Variants in LSAMP observed in about 807,000 individuals in gnomAD.
LSAMP encodes the protein limbic system associated membrane protein.
A neutral mutation model predicts 38.6 loss-of-function variants in LSAMP; 7 were observed. The ratio of observed to expected loss-of-function variants is 0.18; its 90% CI spans 0.10 to 0.34. The LOEUF is 0.34. Ranked by LOEUF, LSAMP falls within the 10% of genes least tolerant of loss-of-function variation. The pLI is 1.00. For missense variants in LSAMP, 313 were observed against 420.0 expected (o/e 0.75, Z 2.23); for synonymous variants, 154 against 166.8 (o/e 0.92, Z 0.59).
intron 1 of LSAMP, among the ~76,000 whole-genome samples, chr3:116,101,370 C>T (rs546622515): frequency 8.5e-5 from 13 of 152,258 alleles, no homozygotes; most frequent in East Asian, 1.9e-4. Context: ...GATACATCTA[C>T]GTTATACTAT....
intron 1 of LSAMP, among the ~76,000 whole-genome samples, chr3:116,153,806 G>A (rs1460828633): frequency 1.3e-5 from 2 of 152,036 alleles, no homozygotes; most frequent in African/African-American, 2.4e-5. Flanking sequence ...CAAATGAGAT[G>A]TAATAGATTT....
At chr3:116,227,678 C>T (rs1273470041) in intron 1 of LSAMP, among the ~76,000 whole-genome samples, 2 of 151,256 alleles carry the variant, frequency 1.3e-5, no homozygotes, top group African/African-American at 4.9e-5. Context: ...CTTTTTTTTC[C>T]CTCCCCTGCC....
chr3:116,080,157 C>G (rs768772300), intron 2 of LSAMP, among the ~76,000 whole-genome samples: 1 of 152,138 alleles, frequency 6.6e-6, no homozygotes, highest in Non-Finnish European at 1.5e-5. Context: ...ATCTCTACCT[C>G]CACATCTTCC....
At chr3:116,232,695 C>CTTTTTTTTT (rs1358749128) in intron 1 of LSAMP, among the ~76,000 whole-genome samples, 7 of 27,292 alleles carry the variant, frequency 2.6e-4, no homozygotes, top group Admixed American at 4.8e-4. Context: ...TTCTTTCTTT[C>CTTTTTTTTT]TTTCTTTTTT....
intron 1 of LSAMP, among the ~76,000 whole-genome samples, chr3:116,209,838 G>A (rs899184550): frequency 6.6e-5 from 10 of 151,960 alleles, no homozygotes; most frequent in South Asian, 4.1e-4. Context: ...TGCAACCTCC[G>A]CCACCCGGGT....
chr3:115,833,231 G>C (rs567918603), intron 6 of LSAMP, among the ~76,000 whole-genome samples: 1 of 152,222 alleles, frequency 6.6e-6, no homozygotes, highest in Non-Finnish European at 1.5e-5. Flanking sequence ...ATTGTGGTAT[G>C]TCAGGAATTC....
intron 2 of LSAMP, among the ~76,000 whole-genome samples, chr3:116,071,139 C>G (rs1209269764): frequency 6.7e-6 from 1 of 149,544 alleles, no homozygotes. Flanking sequence ...AACTTGGGGC[C>G]TAATCACTCT....
chr3:116,261,397 G>A (rs955543481), intron 1 of LSAMP, among the ~76,000 whole-genome samples: 2 of 152,128 alleles, frequency 1.3e-5, no homozygotes, highest in Non-Finnish European at 2.9e-5. Context: ...GCATGTGTCT[G>A]TTGGGCCAGT....
At chr3:115,950,420 T>C (rs1165103951) in intron 3 of LSAMP, among the ~76,000 whole-genome samples, 1 of 152,040 alleles carries the variant, frequency 6.6e-6, no homozygotes, top group Non-Finnish European at 1.5e-5. Context: ...TACAAATCGG[T>C]ACCACTGCTA....
rs546681914 is a variant in LSAMP, at chr3:115,911,127, C to T, written c.515-58510G>A. Among the ~76,000 whole-genome samples the T allele has an allele frequency of 3.3e-3, 504 of 152,126 alleles. 2 individuals carry two copies. Among genetic ancestry groups the T allele is most frequent in the African/African-American group, 0.011 (476 of 41,500 alleles). The stretch of plus-strand genomic sequence containing the variant: ...CATCAATTTTTAAAAGGAACATGTA[C>T]TTTGAAGAGTTGTGAAATTAAATGA... On this transcript the variant is annotated intron_variant, in intron 3 of 6. Transcript: ENST00000490035.
At chr3:116,437,054 T>TAC (rs574094536) in intron 1 of LSAMP, among the ~76,000 whole-genome samples, 2,309 of 150,188 alleles carry the variant, frequency 0.015, 70 homozygotes, top group African/African-American at 0.054. Context: ...TATATATATA[T>TAC]ACACACACAC....
At chr3:116,314,850 C>G (rs2047607319) in intron 1 of LSAMP, among the ~76,000 whole-genome samples, 1 of 151,988 alleles carries the variant, frequency 6.6e-6, no homozygotes, top group Non-Finnish European at 1.5e-5. Context: ...GAATAAAGAC[C>G]CCCACTATTC....
At chr3:115,849,573 T>C (rs1935266340) in intron 4 of LSAMP, among the ~76,000 whole-genome samples, 1 of 152,188 alleles carries the variant, frequency 6.6e-6, no homozygotes, top group South Asian at 2.1e-4. Context: ...CCTGACCTAA[T>C]TCCAAAGCCT....
intron 1 of LSAMP, among the ~76,000 whole-genome samples, chr3:116,296,221 G>A (rs1166108358): frequency 3.3e-5 from 5 of 152,136 alleles, no homozygotes; most frequent in East Asian, 1.9e-4. Context: ...GGACAAAGCT[G>A]CTACATTTTC....
At chr3:115,890,699 G>GAT (rs1936577038) in intron 3 of LSAMP, among the ~76,000 whole-genome samples, 1 of 151,892 alleles carries the variant, frequency 6.6e-6, no homozygotes, top group African/African-American at 2.4e-5. Context: ...CTCAGTAAAA[G>GAT]ATGTAGCCAG....
chr3:116,432,698 T>C, intron 1 of LSAMP, among the ~76,000 whole-genome samples: 1 of 152,222 alleles, frequency 6.6e-6, no homozygotes, highest in East Asian at 1.9e-4. Context: ...ATAAGACAAG[T>C]AGGAGTTGGA....
chr3:116,355,739 G>T (rs1241428886), intron 1 of LSAMP, among the ~76,000 whole-genome samples: 2 of 151,970 alleles, frequency 1.3e-5, no homozygotes, highest in Admixed American at 1.3e-4. Context: ...AACTCTACAG[G>T]AAAAAATCTA....
chr3:116,079,850 T>C (rs1246005501), intron 2 of LSAMP, among the ~76,000 whole-genome samples: 1 of 152,072 alleles, frequency 6.6e-6, no homozygotes, highest in Non-Finnish European at 1.5e-5. Flanking sequence ...TCTTGACTTT[T>C]TAAATACATA....
chr3:116,128,602 T>C (rs1432210012), intron 1 of LSAMP, among the ~76,000 whole-genome samples: 2 of 152,246 alleles, frequency 1.3e-5, no homozygotes, highest in Admixed American at 1.3e-4. Context: ...ATGTCTGTGC[T>C]GCCACTCACT....
Sources: gnomAD v4.1 joint callset for allele counts (sites outside exome capture counted in the v4.1 genomes callset) on GRCh38, gnomAD v4.1.1 for gene constraint, MANE v1.5 for transcripts, NCBI Gene and HGNC (gene_info 2026-07-23, HGNC 2026-07-21) for gene names.